SUGCT: variants seen among roughly 807,000 people sequenced by gnomAD.
SUGCT encodes succinyl-CoA:glutarate-CoA transferase, also known as succinyl-CoA:glutarate CoA-transferase.
A neutral mutation model predicts 55.0 loss-of-function variants in SUGCT; 41 were observed. The ratio of observed to expected loss-of-function variants is 0.74; its 90% CI spans 0.58 to 0.97. The LOEUF is 0.97. SUGCT is among the 50% of genes least tolerant of loss of function. SUGCT has a pLI of 0.00. For missense variants in SUGCT, 568 were observed against 547.8 expected (o/e 1.04, Z -0.37); for synonymous variants, 187 against 200.4 (o/e 0.93, Z 0.56).
At chr7:40,165,397 A>G (rs1784369479) in intron 1 of SUGCT, among the ~76,000 whole-genome samples, 1 of 152,126 alleles carries the variant, frequency 6.6e-6, no homozygotes, top group African/African-American at 2.4e-5. Flanking sequence ...AGGGCCAAGT[A>G]CCAGGGGAGT....
intron 3 of SUGCT, among the ~76,000 whole-genome samples, chr7:40,187,550 C>T (rs375485896): frequency 8.0e-4 from 122 of 152,304 alleles, no homozygotes; most frequent in African/African-American, 2.9e-3. Context: ...GGACACAGAG[C>T]CTTCTGAAAC....
intron 9 of SUGCT, among the ~76,000 whole-genome samples, chr7:40,426,159 C>A (rs1403816672): frequency 6.6e-6 from 1 of 152,110 alleles, no homozygotes. Context: ...ACTCGGTATT[C>A]AGAGTCCAAG....
chr7:40,563,284 G>A (rs1293075386), intron 12 of SUGCT, among the ~76,000 whole-genome samples: 2 of 152,162 alleles, frequency 1.3e-5, no homozygotes, highest in Admixed American at 6.5e-5. Context: ...CTGCTTTTAT[G>A]GTAGCTGCTT....
chr7:40,582,434 AT>A (rs1269849882), intron 12 of SUGCT, among the ~76,000 whole-genome samples: 2 of 152,194 alleles, frequency 1.3e-5, no homozygotes, highest in Non-Finnish European at 2.9e-5. Context: ...CCACTACACT[AT>A]TATAATTGAG....
intron 10 of SUGCT, among the ~76,000 whole-genome samples, chr7:40,449,767 C>T (rs954373253): frequency 6.6e-6 from 1 of 151,920 alleles, no homozygotes; most frequent in African/African-American, 2.4e-5. Context: ...AGTTAAGCTA[C>T]TCCCATATTT....
At chr7:40,295,423 A>G (rs566857189) in intron 8 of SUGCT, among the ~76,000 whole-genome samples, 1 of 152,216 alleles carries the variant, frequency 6.6e-6, no homozygotes, top group South Asian at 2.1e-4. Context: ...TAAAAATACA[A>G]AAATTAGCTG....
intron 3 of SUGCT, 27 bp from the exon 4 acceptor site, chr7:40,188,468 A>G: frequency 1.7e-6 from 2 of 1,179,084 alleles, no homozygotes; most frequent in Non-Finnish European, 2.5e-6. Context: ...AACCCCAAAG[A>G]TTAATAGCTC....
At chr7:40,182,583 A>G (rs966565570) in intron 3 of SUGCT, among the ~76,000 whole-genome samples, 19 of 152,128 alleles carry the variant, frequency 1.2e-4, no homozygotes, top group Non-Finnish European at 2.6e-4. Context: ...AAAAAATGAA[A>G]AAAAAGGGAC....
intron 9 of SUGCT, among the ~76,000 whole-genome samples, chr7:40,446,066 C>G (rs1788816034): frequency 6.6e-6 from 1 of 151,924 alleles, no homozygotes; most frequent in Non-Finnish European, 1.5e-5. Context: ...CCATTTCCTC[C>G]CAGGGCATGC....
At chr7:40,930,370 G>C in the SUGCT span, among the ~76,000 whole-genome samples, 16 of 152,242 alleles carry the variant, frequency 1.1e-4, no homozygotes, top group African/African-American at 3.9e-4. Context: ...CTCCAGCTTT[G>C]TTGTTTTTGC....
chr7:40,636,452 T>C (rs1455345226), intron 12 of SUGCT, among the ~76,000 whole-genome samples: 1 of 152,150 alleles, frequency 6.6e-6, no homozygotes. Flanking sequence ...CCTCATTCTA[T>C]TCATTAGGAA....
intron 6 of SUGCT, among the ~76,000 whole-genome samples, chr7:40,219,884 C>G (rs1233636089): frequency 6.6e-6 from 1 of 151,822 alleles, no homozygotes; most frequent in Non-Finnish European, 1.5e-5. Flanking sequence ...TATGTTCACT[C>G]CCTTATAACA....
chr7:40,934,623 T>C, the SUGCT span, among the ~76,000 whole-genome samples: 4 of 151,862 alleles, frequency 2.6e-5, no homozygotes, highest in Non-Finnish European at 5.9e-5. Flanking sequence ...GGCCTCTTTG[T>C]TTACCTACTC....
chr7:41,025,374 A>AT, the SUGCT span, among the ~76,000 whole-genome samples: 4,088 of 146,718 alleles, frequency 0.028, 157 homozygotes, highest in African/African-American at 0.089. Flanking sequence ...TCAATGTATG[A>AT]TTTTTTTTTT....
intron 13 of SUGCT, among the ~76,000 whole-genome samples, chr7:40,770,586 A>C (rs1789045272): frequency 6.6e-6 from 1 of 152,170 alleles, no homozygotes; most frequent in Non-Finnish European, 1.5e-5. Context: ...CTATACTCAC[A>C]TATATTAACA....
intron 12 of SUGCT, among the ~76,000 whole-genome samples, chr7:40,735,359 C>A (rs1412160477): frequency 6.6e-6 from 1 of 152,114 alleles, no homozygotes; most frequent in Admixed American, 6.6e-5. Flanking sequence ...ACTACTTAGT[C>A]TTGGGAAAGG....
intron 9 of SUGCT, among the ~76,000 whole-genome samples, chr7:40,409,563 GTTGTCTCTTACTACCTCAGTTCAATTC>G (rs1325165315): frequency 6.6e-6 from 1 of 152,100 alleles, no homozygotes; most frequent in African/African-American, 2.4e-5. Context: ...CCTGGCCCCT[GTTGTCTCTTACTACCTCAGTTCAATTC>G]TATTGTCATT....
At chr7:40,594,833 C>G (rs540348758) in intron 12 of SUGCT, among the ~76,000 whole-genome samples, 6 of 152,252 alleles carry the variant, frequency 3.9e-5, no homozygotes, top group Admixed American at 3.9e-4. Context: ...GGGAGAGAAA[C>G]TCAAAGCCCC....
intron 3 of SUGCT, among the ~76,000 whole-genome samples, chr7:40,187,426 A>G (rs1366116114): frequency 6.6e-6 from 1 of 152,140 alleles, no homozygotes; most frequent in Non-Finnish European, 1.5e-5. Context: ...CCTAAAACTT[A>G]AAGTATAATA....
Sources: allele counts gnomAD v4.1 joint callset (sites outside exome capture counted in the v4.1 genomes callset), GRCh38; gene constraint gnomAD v4.1.1; transcripts MANE v1.5; gene names NCBI Gene and HGNC (gene_info 2026-07-23, HGNC 2026-07-21).